HS2ST1: variants seen among roughly 807,000 people sequenced by gnomAD.
HS2ST1 encodes 2-O-sulfotransferase.
In HS2ST1, 18 loss-of-function variants were observed where a neutral mutation model predicts 42.9. The ratio of observed to expected loss-of-function variants is 0.42; its 90% CI spans 0.29 to 0.62. The LOEUF is 0.62. Ranked by LOEUF, HS2ST1 falls within the 20% of genes least tolerant of loss-of-function variation. The pLI is 0.21. For missense variants in HS2ST1, 334 were observed against 433.8 expected (o/e 0.77, Z 2.04); for synonymous variants, 146 against 152.9 (o/e 0.95, Z 0.33).
At chr1:87,056,118 C>T (rs1650962039) in intron 1 of HS2ST1, among the ~76,000 whole-genome samples, 1 of 152,146 alleles carries the variant, frequency 6.6e-6, no homozygotes, top group Admixed American at 6.6e-5. Context: ...GAGGAATCTG[C>T]TCTCATGAAA....
intron 1 of HS2ST1, among the ~76,000 whole-genome samples, chr1:86,928,031 T>A (rs955625661): frequency 3.3e-5 from 5 of 152,124 alleles, no homozygotes; most frequent in African/African-American, 4.8e-5. Context: ...TCTTTGTTAA[T>A]AGTAACTTAA....
At chr1:87,101,739 A>G (rs528636415) in intron 5 of HS2ST1, among the ~76,000 whole-genome samples, 42 of 152,244 alleles carry the variant, frequency 2.8e-4, no homozygotes, top group African/African-American at 1.0e-3. Context: ...ACCGCTGCCC[A>G]TTACCCAGTT....
intron 1 of HS2ST1, among the ~76,000 whole-genome samples, chr1:86,971,481 T>C (rs1480941378): frequency 6.6e-6 from 1 of 152,038 alleles, no homozygotes; most frequent in African/African-American, 2.4e-5. Flanking sequence ...GGACCTAGGG[T>C]GGGGTTTTAT....
chr1:87,001,694 A>G lies in HS2ST1; in HGVS notation c.125-71240A>G, dbSNP rs1036572961. 5.3e-5 allele frequency among the ~76,000 whole-genome samples: 8 copies of G among 152,064 alleles called. No individual in the cohort carries two copies. The South Asian group carries it at 8.3e-4, about 16-fold the overall frequency. ...AATGGCACGATCTTGGCTCACCACA[A>G]TCTCCGCCTCTCGGGTTCAAGTGAT... On this transcript the variant is annotated intron_variant, in intron 1 of 6. Coordinates refer to ENST00000370550, the MANE Select transcript of HS2ST1 (RefSeq NM_012262.4).
At chr1:86,938,275 G>C (rs1181379085) in intron 1 of HS2ST1, among the ~76,000 whole-genome samples, 2 of 152,258 alleles carry the variant, frequency 1.3e-5, no homozygotes, top group South Asian at 4.1e-4. Context: ...GAGGTACACA[G>C]CTTGAAGTTT....
At chr1:86,961,044 A>G (rs1009171713) in intron 1 of HS2ST1, among the ~76,000 whole-genome samples, 5 of 152,152 alleles carry the variant, frequency 3.3e-5, no homozygotes, top group African/African-American at 4.8e-5. Flanking sequence ...GTTAATGGAT[A>G]AACAAACTGT....
At chr1:86,944,878 G>A (rs965307329) in intron 1 of HS2ST1, among the ~76,000 whole-genome samples, 9 of 150,970 alleles carry the variant, frequency 6.0e-5, no homozygotes, top group Non-Finnish European at 1.3e-4. Context: ...AGCAACTCCT[G>A]GGTATACTAG....
intron 1 of HS2ST1, chr1:86,956,367 G>A (rs1325608683): frequency 1.3e-5 from 2 of 152,230 alleles, no homozygotes; most frequent in African/African-American, 4.8e-5. Flanking sequence ...ACAATTCTGT[G>A]TTTGATTCAG....
intron 1 of HS2ST1, among the ~76,000 whole-genome samples, chr1:86,981,848 T>C (rs1421612311): frequency 6.6e-6 from 1 of 152,160 alleles, no homozygotes; most frequent in Non-Finnish European, 1.5e-5. Flanking sequence ...TTCTCACAGC[T>C]CAACTAGGCA....
chr1:87,056,128 A>G (rs1650962218), intron 1 of HS2ST1, among the ~76,000 whole-genome samples: 2 of 152,202 alleles, frequency 1.3e-5, no homozygotes, highest in Non-Finnish European at 2.9e-5. Flanking sequence ...CTCTCATGAA[A>G]GAATCAGTAC....
chr1:86,999,522 CCTTT>C (rs1423440488), intron 1 of HS2ST1, among the ~76,000 whole-genome samples: 1 of 151,978 alleles, frequency 6.6e-6, no homozygotes, highest in Non-Finnish European at 1.5e-5. Context: ...TTGTTATATC[CCTTT>C]CTTTTTGTTT....
In HS2ST1 at chr1:86,919,030, G is replaced by A. The variant is rs569488777; in HGVS notation, c.124+3870G>A. Among the ~76,000 whole-genome samples the A allele has an allele frequency of 5.9e-5, 9 of 151,444 alleles. No individual in the cohort carries two copies. The South Asian group carries it at 1.7e-3, about 28-fold the overall frequency. On this transcript the variant is annotated intron_variant, in intron 1 of 6. Transcript: ENST00000370550. ...GCCTTGCTGTCACCCAGGCTGGAGT[G>A]CAGTGGCACGATTTCGGCTCACTCC...
At chr1:87,084,059 C>T (rs764271205) in intron 2 of HS2ST1, 135 bp from the exon 3 acceptor site, 5 of 520,086 alleles carry the variant, frequency 9.6e-6, no homozygotes, top group Non-Finnish European at 1.7e-5. Flanking sequence ...AGTATACTTT[C>T]CTTAGTCCAA....
chr1:86,923,668 T>A (rs945526295), intron 1 of HS2ST1, among the ~76,000 whole-genome samples: 1 of 152,212 alleles, frequency 6.6e-6, no homozygotes, highest in African/African-American at 2.4e-5. Flanking sequence ...AGTGCTGGGA[T>A]TACAGGTGTG....
intron 1 of HS2ST1, among the ~76,000 whole-genome samples, chr1:87,002,920 A>G (rs189942877): frequency 6.6e-6 from 1 of 152,356 alleles, no homozygotes; most frequent in East Asian, 1.9e-4. Flanking sequence ...TTTAATTAAA[A>G]TCTGTCATAG....
chr1:86,930,696 T>C (rs1276338651), intron 1 of HS2ST1, among the ~76,000 whole-genome samples: 4 of 152,004 alleles, frequency 2.6e-5, no homozygotes, highest in Non-Finnish European at 5.9e-5. Context: ...CCTCCCACCC[T>C]GAGTTACCAG....
chr1:86,937,958 T>C (rs1031955026), intron 1 of HS2ST1, among the ~76,000 whole-genome samples: 2 of 152,180 alleles, frequency 1.3e-5, no homozygotes, highest in African/African-American at 4.8e-5. Context: ...AAATGCATTA[T>C]ATTTTTGTCA....
intron 1 of HS2ST1, among the ~76,000 whole-genome samples, chr1:87,040,049 T>A (rs977984960): frequency 5.9e-5 from 9 of 152,180 alleles, no homozygotes; most frequent in African/African-American, 2.2e-4. Flanking sequence ...ACAAAAGTAG[T>A]TTCCTTTTAA....
At chr1:87,004,651 A>T (rs919788439) in intron 1 of HS2ST1, among the ~76,000 whole-genome samples, 1 of 152,210 alleles carries the variant, frequency 6.6e-6, no homozygotes, top group African/African-American at 2.4e-5. Context: ...GTATTCCCTG[A>T]ACTAATTCCA....
Sources: gnomAD v4.1 joint callset for allele counts (sites outside exome capture counted in the v4.1 genomes callset) on GRCh38, gnomAD v4.1.1 for gene constraint, MANE v1.5 for transcripts, NCBI Gene and HGNC (gene_info 2026-07-23, HGNC 2026-07-21) for gene names.